The following TUT4 variants were observed in gnomAD, a reference collection of about 807,000 sequenced individuals.
TUT4 encodes the protein terminal uridylyltransferase 4.
A neutral mutation model predicts 192.2 loss-of-function variants in TUT4; 36 were observed. The observed-to-expected ratio is 0.19, with a 90% CI of 0.14 to 0.25. The LOEUF (loss-of-function observed/expected upper bound fraction) is 0.25, where lower values mean the gene tolerates loss of function less well. Among genes scored for constraint, TUT4 ranks in the 10% least tolerant of loss-of-function variants. The pLI is 1.00. For synonymous variants in TUT4, 618 were observed against 666.0 expected (o/e 0.93, Z 1.11); for missense variants, 1,493 against 1,957.2 (o/e 0.76, Z 4.47).
intron 26 of TUT4, among the ~76,000 whole-genome samples, chr1:52,436,547 A>G (rs1490246615): frequency 1.3e-5 from 2 of 152,156 alleles, no homozygotes; most frequent in Non-Finnish European, 2.9e-5. Context: ...ATTGAATACA[A>G]CAGACTGTGG....
At chr1:52,529,132 A>G (rs1442434966) in intron 1 of TUT4, among the ~76,000 whole-genome samples, 2 of 152,208 alleles carry the variant, frequency 1.3e-5, no homozygotes, top group African/African-American at 2.4e-5. Flanking sequence ...AATGAAAACT[A>G]AAGTCAAAAC....
At chr1:52,443,805 C>T (rs1656492995) in intron 24 of TUT4, among the ~76,000 whole-genome samples, 1 of 152,092 alleles carries the variant, frequency 6.6e-6, no homozygotes, top group Non-Finnish European at 1.5e-5. Flanking sequence ...GCATGCAACA[C>T]TGTGAGGTTC....
chr1:52,508,605 C>T (rs1019194931), intron 4 of TUT4, among the ~76,000 whole-genome samples: 1 of 152,114 alleles, frequency 6.6e-6, no homozygotes, highest in African/African-American at 2.4e-5. Flanking sequence ...AGAAGGTAGA[C>T]AGCCAGAATA....
At chr1:52,533,492 C>T (rs548553357) in intron 1 of TUT4, among the ~76,000 whole-genome samples, 39 of 152,052 alleles carry the variant, frequency 2.6e-4, no homozygotes, top group Non-Finnish European at 5.6e-4. Flanking sequence ...CTTGGATATC[C>T]CTTCTTGGGA....
intron 27 of TUT4, chr1:52,434,331 ACT>A (rs1300270482): frequency 1.1e-4 from 16 of 152,204 alleles, no homozygotes; most frequent in Admixed American, 2.0e-4. Context: ...TGATTTTTAT[ACT>A]CTCTTATTCT....
intron 9 of TUT4, among the ~76,000 whole-genome samples, chr1:52,486,667 A>G (rs1472890537): frequency 1.3e-5 from 2 of 152,216 alleles, no homozygotes; most frequent in African/African-American, 4.8e-5. Flanking sequence ...ACTAACACAA[A>G]TGACAAAAAC....
chr1:52,508,905 C>T (rs1306287032), intron 4 of TUT4, among the ~76,000 whole-genome samples: 1 of 152,200 alleles, frequency 6.6e-6, no homozygotes, highest in Non-Finnish European at 1.5e-5. Flanking sequence ...ATTCCCGAAG[C>T]TTATAAGTTT....
intron 28 of TUT4, among the ~76,000 whole-genome samples, chr1:52,428,425 A>C (rs745941919): frequency 6.6e-6 from 1 of 152,094 alleles, no homozygotes; most frequent in Non-Finnish European, 1.5e-5. Flanking sequence ...TCAGAAGTTC[A>C]AGACCAGCTT....
Position 52,488,939 on chromosome 1 carries a change from G to C in TUT4, c.1485C>G (p.Pro495=), listed in dbSNP as rs761188362. 3 of 1,613,560 alleles carry C rather than the reference G, an allele frequency of 1.9e-6. No individual in the cohort carries two copies. Among genetic ancestry groups the C allele is most frequent in the Non-Finnish European group, 2.5e-6 (3 of 1,179,748 alleles). The change falls in exon 9 of 30, where the codon CCC becomes CCG. Residue 495 remains proline (P), a synonymous_variant. Coordinates refer to ENST00000257177, the MANE Select transcript of TUT4 (RefSeq NM_001009881.3). ...CCCAGTAGCGAAAGGCTAACACCAA[G>C]GGAATAAAGACAGGTTCTATTTTGC... ...ALGKIEPVFI[P]LVLAFRYWAK...
chr1:52,553,254 G>T (rs572893029), upstream of TUT4, among the ~76,000 whole-genome samples: 106 of 151,236 alleles, frequency 7.0e-4, no homozygotes, highest in African/African-American at 2.4e-3. Context: ...CCCGGGAGAG[G>T]AGGAGCTACG....
At chr1:52,436,679 T>A in intron 26 of TUT4, 76 bp downstream of exon 26, 1 of 1,590,452 alleles carries the variant, frequency 6.3e-7, no homozygotes, top group East Asian at 2.2e-5. Context: ...CAGAGAGGAA[T>A]TAGGGTCATT....
In TUT4 at chr1:52,523,713, T is replaced by C. The variant is rs148695363; in HGVS notation, c.718+1850A>G. ...ATTACCAGTATTATCACTTATTTGA[T>C]TCTGTCTCTAAACTGACTTAGTTTT... On this transcript the variant is annotated intron_variant, in intron 2 of 29. Coordinates refer to ENST00000257177, the MANE Select transcript of TUT4 (RefSeq NM_001009881.3). Among the ~76,000 whole-genome samples, 148 of 152,326 alleles carry C rather than the reference T, an allele frequency of 9.7e-4. 3 individuals carry two copies. In the East Asian group the frequency reaches 0.025, roughly 26 times the overall value.
Position 52,458,381 on chromosome 1 carries a change from G to A in TUT4, c.3390C>T (p.Tyr1130=), listed in dbSNP as rs888189465. 23 of 1,613,946 alleles carry A rather than the reference G, an allele frequency of 1.4e-5. No individual in the cohort carries two copies. The highest frequency in any genetic ancestry group is 1.9e-5 in the Non-Finnish European group (23 of 1,179,926). ...CAGGTGGCTTTCTCTGCTGCAGAAA[G>A]TACAGCACCATAAGGATATATGCAT... ...SSYAYILMVL[Y]FLQQRKPPVI... Residue 1130 remains tyrosine, a synonymous_variant, in exon 20 of 30, where the codon TAC becomes TAT. Transcript: ENST00000257177.
At chr1:52,522,862 T>C (rs1206820803) in intron 2 of TUT4, among the ~76,000 whole-genome samples, 1 of 151,094 alleles carries the variant, frequency 6.6e-6, no homozygotes, top group African/African-American at 2.4e-5. Context: ...GAGGCAGAGG[T>C]TGCAGTGAGC....
chr1:52,536,489 T>A (rs1360628708), intron 1 of TUT4, among the ~76,000 whole-genome samples: 2 of 152,144 alleles, frequency 1.3e-5, no homozygotes, highest in Admixed American at 1.3e-4. Context: ...AAGAAAGAGC[T>A]AAATGGCAGA....
intron 3 of TUT4, among the ~76,000 whole-genome samples, chr1:52,510,730 T>C (rs1403251681): frequency 1.3e-5 from 2 of 152,216 alleles, no homozygotes; most frequent in Non-Finnish European, 2.9e-5. Flanking sequence ...GTCATTTTAA[T>C]TCCCCTAATC....
chr1:52,491,868 C>T (rs1457247033), intron 7 of TUT4, among the ~76,000 whole-genome samples: 2 of 151,892 alleles, frequency 1.3e-5, no homozygotes, highest in African/African-American at 4.8e-5. Context: ...GAGTAAAACA[C>T]AAAAAAGGTC....
chr1:52,527,554 AAAC>A (rs1338130000), intron 1 of TUT4, among the ~76,000 whole-genome samples: 2 of 152,156 alleles, frequency 1.3e-5, no homozygotes, highest in Non-Finnish European at 1.5e-5. Flanking sequence ...TCTGTCTCAA[AAAC>A]AACAACAACA....
chr1:52,463,897 T>A, intron 16 of TUT4: 1 of 806,086 alleles, frequency 1.2e-6, no homozygotes, highest in Non-Finnish European at 1.8e-6. Context: ...CAGAAAGCAG[T>A]GGTTAGGTTC....
Sources: gnomAD v4.1 joint callset for allele counts (sites outside exome capture counted in the v4.1 genomes callset) on GRCh38, gnomAD v4.1.1 for gene constraint, MANE v1.5 for transcripts, NCBI Gene and HGNC (gene_info 2026-07-23, HGNC 2026-07-21) for gene names.